ASTN1: variants seen among roughly 807,000 people sequenced by gnomAD.
ASTN1 encodes astrotactin 1, also known as astrotactin-1.
A neutral mutation model predicts 140.7 loss-of-function variants in ASTN1; 41 were observed. The observed-to-expected ratio is 0.29, with a 90% confidence interval of 0.23 to 0.38. The LOEUF is 0.38. Ranked by LOEUF, ASTN1 falls within the 10% of genes least tolerant of loss-of-function variation. The pLI is 1.00. For missense variants in ASTN1, 1,479 were observed against 1,678.8 expected (o/e 0.88, Z 2.08); for synonymous variants, 640 against 652.2 (o/e 0.98, Z 0.29).
At chr1:176,990,800 G>A (rs1001590303) in intron 8 of ASTN1, among the ~76,000 whole-genome samples, 14 of 151,828 alleles carry the variant, frequency 9.2e-5, no homozygotes, top group South Asian at 2.1e-4. Flanking sequence ...TCCTTCTCAC[G>A]CCCATCTAAT....
intron 18 of ASTN1, 136 bp from the exon 19 acceptor site, chr1:176,884,626 C>A: frequency 1.1e-6 from 1 of 928,724 alleles, no homozygotes; most frequent in East Asian, 2.5e-5. Context: ...GGGCCTGTCT[C>A]TTTCAAAAGA....
At chr1:177,162,367 G>A (rs935059367) in intron 1 of ASTN1, among the ~76,000 whole-genome samples, 1 of 152,182 alleles carries the variant, frequency 6.6e-6, no homozygotes, top group Non-Finnish European at 1.5e-5. Context: ...GGAGATAATC[G>A]ATGCATTTAA....
At chr1:177,082,289 TAAGGGAAA>T (rs1006305676) in intron 1 of ASTN1, among the ~76,000 whole-genome samples, 2 of 152,234 alleles carry the variant, frequency 1.3e-5, no homozygotes, top group African/African-American at 4.8e-5. Flanking sequence ...CACTATCTGT[TAAGGGAAA>T]GGCTTCTCTG....
At chr1:177,049,070 A>C (rs894960655) in intron 2 of ASTN1, among the ~76,000 whole-genome samples, 2 of 152,216 alleles carry the variant, frequency 1.3e-5, no homozygotes, top group African/African-American at 4.8e-5. Flanking sequence ...AGAAAAGCAG[A>C]GTTGCTGCAG....
chr1:176,934,392 T>G, intron 15 of ASTN1, 52 bp from the exon 16 acceptor site: 1 of 1,515,078 alleles, frequency 6.6e-7, no homozygotes, highest in Non-Finnish European at 9.0e-7. Context: ...ATTTTGGGTA[T>G]ACGGATTCCC....
rs950636508 is a variant in ASTN1 at position 176,871,728 on chromosome 1, G to T, written c.3464-2701C>A. ...CCTATTTCCACAGAAAGAATTGAGA[G>T]AATTTATTTTGTTAGTCTTCATAGC... On this transcript the variant is annotated intron_variant, in intron 21 of 22. Coordinates refer to ENST00000361833, the MANE Select transcript of ASTN1 (RefSeq NM_004319.3). Among the ~76,000 whole-genome samples the T allele has an allele frequency of 3.9e-5, 6 of 152,190 alleles. No individual in the cohort carries two copies. In the East Asian group the frequency reaches 1.2e-3, roughly 29 times the overall value.
rs917621925 is a variant in ASTN1, at chr1:176,861,874, T to C, written c.*2410A>G. ...AAAGATAGGAGAGAGGAAGATAGTG[T>C]GCCTAAAATAAAAACAGAAGGAGAG... On this transcript the variant is annotated 3_prime_UTR_variant, in exon 23 of 23. Transcript: ENST00000361833. The C allele has an allele frequency of 8.1e-6, 8 of 985,112 alleles. No homozygotes were observed. The highest frequency in any genetic ancestry group is 9.6e-6 in the Non-Finnish European group (8 of 829,862). 61.0% of individuals were successfully genotyped at this position (985,112 alleles called of 1,614,324 possible). A position where few individuals can be genotyped will look rare whatever the true frequency, so the allele number is the denominator to read the frequency against.
At chr1:177,128,687 G>C (rs1222830425) in intron 1 of ASTN1, among the ~76,000 whole-genome samples, 1 of 152,154 alleles carries the variant, frequency 6.6e-6, no homozygotes, top group African/African-American at 2.4e-5. Context: ...TGGTCTTTGG[G>C]TATTAGACAA....
intron 2 of ASTN1, among the ~76,000 whole-genome samples, chr1:177,035,071 T>C (rs1488553081): frequency 6.6e-6 from 1 of 152,216 alleles, no homozygotes; most frequent in Non-Finnish European, 1.5e-5. Context: ...AGCTGTCCAT[T>C]ATCATGCTTT....
intron 1 of ASTN1, among the ~76,000 whole-genome samples, chr1:177,064,354 T>A (rs527645976): frequency 4.1e-4 from 63 of 152,306 alleles, no homozygotes; most frequent in Non-Finnish European, 6.3e-4. Context: ...TTCAAGTATA[T>A]AATTTGGTGG....
chr1:176,898,421 A>G (rs1324917872), intron 16 of ASTN1, among the ~76,000 whole-genome samples: 1 of 152,238 alleles, frequency 6.6e-6, no homozygotes, highest in Non-Finnish European at 1.5e-5. Context: ...TTCAGTTTCC[A>G]GCAAAGAATA....
chr1:176,973,057 A>G (rs1240666228), intron 8 of ASTN1, among the ~76,000 whole-genome samples: 3 of 152,182 alleles, frequency 2.0e-5, no homozygotes, highest in Non-Finnish European at 4.4e-5. Context: ...ATATTCACCA[A>G]GATCAAGTCA....
At chr1:176,943,820 T>C in intron 14 of ASTN1, 71 bp downstream of exon 14, 1 of 1,495,182 alleles carries the variant, frequency 6.7e-7, no homozygotes, top group African/African-American at 1.4e-5. Flanking sequence ...TGAGGTCAAA[T>C]CTTAATTTTA....
chr1:176,920,274 T>C (rs1387519938), intron 16 of ASTN1, among the ~76,000 whole-genome samples: 1 of 152,082 alleles, frequency 6.6e-6, no homozygotes, highest in African/African-American at 2.4e-5. Context: ...AGCCCCAGGG[T>C]ATGAACTCTG....
chr1:177,087,111 G>C (rs1679508739), intron 1 of ASTN1, among the ~76,000 whole-genome samples: 1 of 152,112 alleles, frequency 6.6e-6, no homozygotes. Context: ...AATGGGCACT[G>C]AGTCCTAACA....
At chr1:177,019,288 C>T (rs1235099851) in intron 7 of ASTN1, among the ~76,000 whole-genome samples, 5 of 152,182 alleles carry the variant, frequency 3.3e-5, no homozygotes, top group Non-Finnish European at 7.4e-5. Context: ...AAGCACAATG[C>T]TTGACACACA....
intron 14 of ASTN1, among the ~76,000 whole-genome samples, chr1:176,938,697 T>A (rs779307906): frequency 8.5e-5 from 13 of 152,256 alleles, no homozygotes; most frequent in Admixed American, 3.3e-4. Flanking sequence ...CTACCAGTCA[T>A]ATGACTTTAG....
intron 18 of ASTN1, 81 bp downstream of exon 18, chr1:176,887,990 A>T: frequency 6.3e-7 from 1 of 1,581,848 alleles, no homozygotes; most frequent in Non-Finnish European, 8.6e-7. Context: ...GTTTCCCAGT[A>T]CCCAGCCTAT....
At chr1:176,934,745 C>A (rs1671361232) in intron 15 of ASTN1, among the ~76,000 whole-genome samples, 1 of 152,036 alleles carries the variant, frequency 6.6e-6, no homozygotes, top group Non-Finnish European at 1.5e-5. Context: ...GAGAACATTT[C>A]ACATCGTGAA....
Sources: gnomAD v4.1 joint callset for allele counts (sites outside exome capture counted in the v4.1 genomes callset) on GRCh38, gnomAD v4.1.1 for gene constraint, MANE v1.5 for transcripts, NCBI Gene and HGNC (gene_info 2026-07-23, HGNC 2026-07-21) for gene names.